KIRREL3: variants seen among roughly 807,000 people sequenced by gnomAD.
KIRREL3 encodes the protein kin of IRRE-like protein 3.
Under a neutral mutation model 89.7 loss-of-function variants are expected in KIRREL3, and 36 were observed. The ratio of observed to expected loss-of-function variants is 0.40; its 90% CI spans 0.31 to 0.53. The LOEUF is 0.53. Among genes scored for constraint, KIRREL3 ranks in the 20% least tolerant of loss-of-function variants. The probability of loss-of-function intolerance (pLI) is 0.49; values close to 1 mark genes in which losing one functional copy is unlikely to be tolerated. For synonymous variants in KIRREL3, 445 were observed against 441.4 expected, an observed-to-expected ratio of 1.01 and a Z score of -0.10; for missense variants, 864 against 1,056.6, an observed-to-expected ratio of 0.82 and a Z score of 2.53.
At position 126,445,124 on chromosome 11, in the gene KIRREL3, T is replaced by C. The variant is rs1955740511; in HGVS notation, c.1126-19A>G. 1 of 1,613,066 alleles carries C rather than the reference T, an allele frequency of 6.2e-7. No individual in the cohort carries two copies. The highest frequency in any genetic ancestry group is 1.7e-5 in the Admixed American group (1 of 59,986). On this transcript the variant is annotated intron_variant, in intron 9 of 16. Transcript: ENST00000525144. ...TCAGGACCTAGGAGAATTGGCAGGCTCAGATGCCAAGAGCAGGCGGAGGGG... is the reference window on the plus strand; with the variant it reads ...TCAGGACCTAGGAGAATTGGCAGGCCCAGATGCCAAGAGCAGGCGGAGGGG...
At chr11:126,914,812 C>G (rs979474265) in intron 1 of KIRREL3, among the ~76,000 whole-genome samples, 1 of 152,242 alleles carries the variant, frequency 6.6e-6, no homozygotes, top group Admixed American at 6.5e-5. Flanking sequence ...AATATTATGA[C>G]AGCTTGGAAA....
At chr11:126,923,389 C>A (rs1947550665) in intron 1 of KIRREL3, among the ~76,000 whole-genome samples, 1 of 372 alleles carries the variant, frequency 2.7e-3, no homozygotes, top group Non-Finnish European at 6.3e-3. Context: ...TCTTCTTCTT[C>A]CTCTTCTTTC....
In KIRREL3 at chr11:126,513,885, G is replaced by A. The variant is rs1958313285; in HGVS notation, c.433+7430C>T. Among the ~76,000 whole-genome samples the A allele has an allele frequency of 6.6e-6, 1 of 152,122 alleles. No homozygotes were observed. Among genetic ancestry groups the A allele is most frequent in the South Asian group, 2.1e-4 (1 of 4,828 alleles). ...ATTGAACCCACAGGGTGGACCTCAG[G>A]GAGCTATAATATAACTTAGAGGTGA... On this transcript the variant is annotated intron_variant, in intron 4 of 16. Transcript: ENST00000525144. The surrounding 1 kb of genome is among the most constrained non-coding windows in gnomAD (Gnocchi z 5.9).
chr11:126,481,208 T>C (rs58190775), intron 4 of KIRREL3, among the ~76,000 whole-genome samples: 13,485 of 152,206 alleles, frequency 0.089, 1,957 homozygotes, highest in African/African-American at 0.3. Flanking sequence ...AGGGAATAGA[T>C]ACATCCTAAA....
At position 126,606,649 on chromosome 11, in the gene KIRREL3, C is replaced by A. The variant is rs1297029740; in HGVS notation, c.56-43737G>T. Among the ~76,000 whole-genome samples, 4 of 152,092 alleles carry A rather than the reference C, an allele frequency of 2.6e-5. No individual in the cohort carries two copies. The South Asian group carries it at 6.2e-4, about 24-fold the overall frequency. On this transcript the variant is annotated intron_variant, in intron 1 of 16. Transcript: ENST00000525144. This position sits in a 1 kb window ranked among gnomAD's most constrained non-coding sequence, Gnocchi z 4.6. ...ACATTCCAGGGAGGGAACCGGAGGA[C>A]TCCAGTCAGTTTCCAAGCTGCATAA...
At position 126,592,187 on chromosome 11, in the gene KIRREL3, G is replaced by A. The variant is rs1043492486; in HGVS notation, c.56-29275C>T. ...TCAGGCCTTGTTCTAGGTACTTTCC[G>A]AACAGTTATTGTCGTAATCCTTATA... is the stretch of plus-strand genomic sequence containing the variant. On this transcript the variant is annotated intron_variant, in intron 1 of 16. Coordinates refer to ENST00000525144, the MANE Select transcript of KIRREL3 (RefSeq NM_032531.4). 3.9e-5 allele frequency among the ~76,000 whole-genome samples: 6 copies of A among 152,220 alleles called. 1 individual carries two copies. Among genetic ancestry groups the A allele is most frequent in the Middle Eastern group, 6.8e-3 (2 of 294 alleles).
chr11:126,446,285 C>T (rs1452026778), intron 9 of KIRREL3, among the ~76,000 whole-genome samples: 1 of 143,282 alleles, frequency 7.0e-6, no homozygotes, highest in African/African-American at 2.6e-5. Flanking sequence ...TTTTCTTTCT[C>T]CTTTCTTTCT....
At position 126,948,216 on chromosome 11, in the gene KIRREL3, T is replaced by G. The variant is rs1369354425; in HGVS notation, c.55+52239A>C. 1.3e-5 allele frequency among the ~76,000 whole-genome samples: 2 copies of G among 152,214 alleles called. No homozygotes were observed. The highest frequency in any genetic ancestry group is 2.9e-5 in the Non-Finnish European group (2 of 68,042). ...ACGCTTGATGTCTTTCTCCTTTGAT[T>G]TAATAAGAAACCAATTCTATATTAT... On this transcript the variant is annotated intron_variant, in intron 1 of 16. Transcript: ENST00000525144. The surrounding 1 kb of genome is among the most constrained non-coding windows in gnomAD (Gnocchi z 4.5).
At position 126,812,215 on chromosome 11, in the gene KIRREL3, T is replaced by G. The variant is rs1322285227; in HGVS notation, c.55+188240A>C. 6.6e-6 allele frequency among the ~76,000 whole-genome samples: 1 copy of G among 152,220 alleles called. No homozygotes were observed. The highest frequency in any genetic ancestry group is 1.5e-5 in the Non-Finnish European group (1 of 68,038). On this transcript the variant is annotated intron_variant, in intron 1 of 16. Coordinates refer to ENST00000525144, the MANE Select transcript of KIRREL3 (RefSeq NM_032531.4). The surrounding 1 kb of genome is among the most constrained non-coding windows in gnomAD (Gnocchi z 5.2). ...GAAGGCCAAAGGATCATTAATTTCC[T>G]TACTTTGGAACTTTGGGGTCCTTAG...
At chr11:126,834,680 T>C (rs1943720725) in intron 1 of KIRREL3, among the ~76,000 whole-genome samples, 1 of 151,930 alleles carries the variant, frequency 6.6e-6, no homozygotes, top group Non-Finnish European at 1.5e-5. Context: ...AGAACAGGAG[T>C]CTCAGCAACA....
chr11:126,588,508 G>A (rs1438485119), intron 1 of KIRREL3, among the ~76,000 whole-genome samples: 1 of 152,154 alleles, frequency 6.6e-6, no homozygotes, highest in African/African-American at 2.4e-5. Context: ...CCTTGCTGCG[G>A]GCCCTGAGGC....
intron 4 of KIRREL3, among the ~76,000 whole-genome samples, chr11:126,506,025 G>T (rs556019448): frequency 6.6e-6 from 1 of 152,278 alleles, no homozygotes; most frequent in South Asian, 2.1e-4. Context: ...TGTGGGAAAG[G>T]ATAGTCTTTT....
chr11:126,948,437 G>C lies in KIRREL3; in HGVS notation c.55+52018C>G, dbSNP rs1166279176. Among the ~76,000 whole-genome samples the C allele has an allele frequency of 1.3e-5, 2 of 152,186 alleles. No homozygotes were observed. The highest frequency in any genetic ancestry group is 1.9e-4 in the East Asian group (1 of 5,184). On this transcript the variant is annotated intron_variant, in intron 1 of 16. Transcript: ENST00000525144. This position sits in a 1 kb window ranked among gnomAD's most constrained non-coding sequence, Gnocchi z 4.5. ...AGTCAAGTGCTATGCTCAGAGCTAA[G>C]AGAACAGCGGGGTAGACTAGAAATA...
chr11:126,670,088 T>C (rs1945867847), intron 1 of KIRREL3, among the ~76,000 whole-genome samples: 1 of 152,202 alleles, frequency 6.6e-6, no homozygotes, highest in South Asian at 2.1e-4. Flanking sequence ...TGTTCACTTC[T>C]CTGCACTGCC....
At chr11:126,849,844 G>A (rs73030425) in intron 1 of KIRREL3, among the ~76,000 whole-genome samples, 37,955 of 152,034 alleles carry the variant, frequency 0.25, 4,792 homozygotes, top group Admixed American at 0.31. Context: ...GTTCACCATG[G>A]CACAGGCAGC....
intron 1 of KIRREL3, among the ~76,000 whole-genome samples, chr11:126,638,881 G>A (rs993627831): frequency 1.3e-5 from 2 of 152,120 alleles, no homozygotes; most frequent in Non-Finnish European, 2.9e-5. Flanking sequence ...GTGACAGCAG[G>A]CACAATGTCT....
chr11:126,801,803 T>C (rs1951043500), intron 1 of KIRREL3, among the ~76,000 whole-genome samples: 1 of 152,134 alleles, frequency 6.6e-6, no homozygotes, highest in Non-Finnish European at 1.5e-5. Flanking sequence ...CTGGGAGTAG[T>C]GGTGCATCTG....
At position 126,923,202 on chromosome 11, in the gene KIRREL3, T is replaced by TTCTTCTCC. The variant is rs1565423415; in HGVS notation, c.55+77252_55+77253insGGAGAAGA. On this transcript the variant is annotated intron_variant, in intron 1 of 16. Transcript: ENST00000525144. ...TCTTCTTCTTCTCTTCTTCTTCTTCTTCTTCTTCTTCTTCTTCTTCTTCTT... is the reference window on the plus strand; with the variant it reads ...TCTTCTTCTTCTCTTCTTCTTCTTCTTCTTCTCCTCTTCTTCTTCTTCTTCTTCTTCTT... Among the ~76,000 whole-genome samples the TTCTTCTCC allele has an allele frequency of 3.9e-4, 3 of 7,742 alleles. 1 individual carries two copies. Among genetic ancestry groups the TTCTTCTCC allele is most frequent in the Non-Finnish European group, 6.1e-4 (3 of 4,898 alleles). The allele number at this position is 7,742 out of a possible 152,430, so 5.1% of individuals were successfully genotyped here.
In KIRREL3 at chr11:126,430,553, T is replaced by G. The variant is rs1955093314; in HGVS notation, c.1696+866A>C. On this transcript the variant is annotated intron_variant, in intron 14 of 16. Coordinates refer to ENST00000525144, the MANE Select transcript of KIRREL3 (RefSeq NM_032531.4). The surrounding 1 kb of genome is among the most constrained non-coding windows in gnomAD (Gnocchi z 6.6). ...GATGGAGGTCCTGAGACCACATCAT[T>G]GCTGGGGTGGTCTTGAGAGCCAAGG... is the stretch of plus-strand genomic sequence containing the variant. Among the ~76,000 whole-genome samples the G allele has an allele frequency of 6.6e-6, 1 of 152,184 alleles. No individual in the cohort carries two copies. Among genetic ancestry groups the G allele is most frequent in the South Asian group, 2.1e-4 (1 of 4,822 alleles).
Sources: gnomAD v4.1 joint callset for allele counts (sites outside exome capture counted in the v4.1 genomes callset) on GRCh38, gnomAD v4.1.1 for gene constraint, Gnocchi (gnomAD v3.1) non-coding constraint, MANE v1.5 for transcripts, NCBI Gene and HGNC (gene_info 2026-07-23, HGNC 2026-07-21) for gene names.